FEZ1: variants seen among roughly 807,000 people sequenced by gnomAD.
FEZ1 encodes fasciculation and elongation protein zeta 1.
FEZ1 carries 20 observed loss-of-function variants against 49.3 expected under a neutral mutation model. The observed-to-expected ratio is 0.41, with a 90% CI of 0.29 to 0.59. The LOEUF (loss-of-function observed/expected upper bound fraction) is 0.59, where lower values mean the gene tolerates loss of function less well. Among genes scored for constraint, FEZ1 ranks in the 20% least tolerant of loss-of-function variants. The probability of loss-of-function intolerance (pLI) is 0.36; values close to 1 mark genes in which losing one functional copy is unlikely to be tolerated. For synonymous variants in FEZ1, 170 were observed against 180.9 expected (o/e 0.94, Z 0.48); for missense variants, 413 against 476.0 (o/e 0.87, Z 1.23).
intron 3 of FEZ1, among the ~76,000 whole-genome samples, chr11:125,467,710 C>T (rs561435223): frequency 9.6e-4 from 146 of 152,252 alleles, no homozygotes; most frequent in Non-Finnish European, 1.7e-3. Context: ...CATGGTGGTG[C>T]ACACCTGTAG....
chr11:125,463,336 A>T, intron 4 of FEZ1, 148 bp downstream of exon 4: 1 of 569,462 alleles, frequency 1.8e-6, no homozygotes, highest in Non-Finnish European at 3.1e-6. Flanking sequence ...AAAAAAAAGA[A>T]ACAAAAAATA....
intron 1 of FEZ1, among the ~76,000 whole-genome samples, chr11:125,493,358 A>G (rs1341566564): frequency 9.4e-6 from 1 of 106,678 alleles, no homozygotes; most frequent in East Asian, 2.5e-4. Flanking sequence ...AGAAAGAAAG[A>G]GAGAAAAGAA....
chr11:125,484,440 G>C (rs926774839), intron 2 of FEZ1, among the ~76,000 whole-genome samples: 3 of 152,162 alleles, frequency 2.0e-5, no homozygotes, highest in Non-Finnish European at 4.4e-5. Context: ...AATTGGCATC[G>C]GTATGGGCAT....
At chr11:125,454,899 G>A (rs779842079) in intron 6 of FEZ1, among the ~76,000 whole-genome samples, 1 of 149,410 alleles carries the variant, frequency 6.7e-6, no homozygotes, top group South Asian at 2.2e-4. Context: ...CTGTAATCCC[G>A]GCGACTCAGG....
chr11:125,448,691 G>C (rs1956920019), intron 8 of FEZ1, 124 bp from the exon 9 acceptor site: 1 of 691,618 alleles, frequency 1.4e-6, no homozygotes, highest in Admixed American at 2.3e-5. Context: ...CATTTATTGA[G>C]TATTGAGCAA....
chr11:125,491,571 T>C (rs1233648162), intron 1 of FEZ1, among the ~76,000 whole-genome samples: 1 of 152,188 alleles, frequency 6.6e-6, no homozygotes, highest in Admixed American at 6.5e-5. Flanking sequence ...CTTCGGTCTA[T>C]AGGGTTATTG....
rs1956965383 is a variant in FEZ1 at position 125,452,325 on chromosome 11, G to A, written c.1096+9C>T. ...GCCACTGATCTGGCTGAGAACAAGA[G>A]GAACTCACTGTTTGTCAGCATCTGC... On this transcript the variant is annotated intron_variant, in intron 8 of 9. Coordinates refer to ENST00000278919, the MANE Select transcript of FEZ1 (RefSeq NM_005103.5). 1.3e-6 allele frequency: 2 copies of A among 1,585,268 alleles called. No individual in the cohort carries two copies. Among genetic ancestry groups the A allele is most frequent in the Non-Finnish European group, 1.7e-6 (2 of 1,153,516 alleles).
chr11:125,465,197 C>G (rs1957115800), intron 3 of FEZ1, among the ~76,000 whole-genome samples: 1 of 152,096 alleles, frequency 6.6e-6, no homozygotes, highest in Non-Finnish European at 1.5e-5. Context: ...TAGTCTATAA[C>G]CAGGATTTGG....
intron 3 of FEZ1, among the ~76,000 whole-genome samples, chr11:125,474,255 G>T (rs530618611): frequency 1.9e-4 from 29 of 148,776 alleles, no homozygotes; most frequent in Non-Finnish European, 2.8e-4. Flanking sequence ...AGCCAGCATG[G>T]TCTCAATCTG....
intron 3 of FEZ1, among the ~76,000 whole-genome samples, chr11:125,471,684 C>T (rs1017552035): frequency 6.6e-6 from 1 of 152,014 alleles, no homozygotes; most frequent in African/African-American, 2.4e-5. Flanking sequence ...TTTTAATAAA[C>T]CTTTCTCATT....
chr11:125,469,535 C>T (rs1957165017), intron 3 of FEZ1, among the ~76,000 whole-genome samples: 1 of 152,182 alleles, frequency 6.6e-6, no homozygotes, highest in Admixed American at 6.5e-5. Flanking sequence ...GTTGAGATTA[C>T]AGGCGTGAGC....
In FEZ1 at chr11:125,448,849, C is replaced by A. The variant is rs73621294; in HGVS notation, c.1097-282G>T. Among the ~76,000 whole-genome samples the A allele has an allele frequency of 4.8e-3, 733 of 151,298 alleles. 7 individuals are homozygous for A. The highest frequency in any genetic ancestry group is 0.017 in the African/African-American group (683 of 41,184). On this transcript the variant is annotated intron_variant, in intron 8 of 9. Transcript: ENST00000278919. ...CCCAGGCATTCAAGACCAGCCTGGG[C>A]AATATGGCAGAACCTCATTTCTAAT... is the stretch of plus-strand genomic sequence containing the variant.
intron 1 of FEZ1, among the ~76,000 whole-genome samples, chr11:125,493,064 T>G (rs1330602277): frequency 4.0e-5 from 6 of 151,286 alleles, no homozygotes; most frequent in Non-Finnish European, 8.8e-5. Flanking sequence ...CAGTGGCTCA[T>G]GCCTGTAATC....
At chr11:125,465,004 A>T (rs1957113838) in intron 3 of FEZ1, among the ~76,000 whole-genome samples, 1 of 152,204 alleles carries the variant, frequency 6.6e-6, no homozygotes, top group African/African-American at 2.4e-5. Context: ...AGGCCAGAAA[A>T]TCCTGCAGTA....
chr11:125,469,509 C>T (rs911323594), intron 3 of FEZ1, among the ~76,000 whole-genome samples: 4 of 152,194 alleles, frequency 2.6e-5, no homozygotes, highest in African/African-American at 9.7e-5. Context: ...ATTCACCTGC[C>T]TCGGCCTCCT....
chr11:125,442,923 A>G lies in FEZ1; in HGVS notation c.*3172T>C, dbSNP rs973219770. The stretch of plus-strand genomic sequence containing the variant: ...GCTAATTTTTGTATTTTCAGTAGAG[A>G]GGGGGTTTCACCATGTTGGCCAGGC... On this transcript the variant is annotated 3_prime_UTR_variant, in exon 10 of 10. Coordinates refer to ENST00000278919, the MANE Select transcript of FEZ1 (RefSeq NM_005103.5). 6.6e-6 allele frequency among the ~76,000 whole-genome samples: 1 copy of G among 151,686 alleles called. No homozygotes were observed. Among genetic ancestry groups the G allele is most frequent in the Non-Finnish European group, 1.5e-5 (1 of 67,936 alleles).
At chr11:125,457,553 A>G (rs1434916988) in intron 5 of FEZ1, among the ~76,000 whole-genome samples, 1 of 117,140 alleles carries the variant, frequency 8.5e-6, no homozygotes, top group African/African-American at 3.4e-5. Flanking sequence ...CTTGGGAAAC[A>G]TCTTTTAAAA....
intron 5 of FEZ1, among the ~76,000 whole-genome samples, chr11:125,459,165 C>G (rs12224788): frequency 0.34 from 52,310 of 152,142 alleles, 9,220 homozygotes; most frequent in South Asian, 0.49. Flanking sequence ...AATTGCAAAA[C>G]CTACTCAATG....
chr11:125,477,785 C>T (rs1458848258), intron 3 of FEZ1, among the ~76,000 whole-genome samples: 2 of 151,828 alleles, frequency 1.3e-5, no homozygotes, highest in Non-Finnish European at 2.9e-5. Flanking sequence ...CTGGCTCCTT[C>T]TGCCTCCAGG....
Sources: gnomAD v4.1 joint callset for allele counts (sites outside exome capture counted in the v4.1 genomes callset) on GRCh38, gnomAD v4.1.1 for gene constraint, MANE v1.5 for transcripts, NCBI Gene and HGNC (gene_info 2026-07-23, HGNC 2026-07-21) for gene names.